The following PTPN3 variants were observed in gnomAD, a reference collection of about 807,000 sequenced individuals.
The protein encoded by PTPN3 is protein tyrosine phosphatase non-receptor type 3, also known as tyrosine-protein phosphatase non-receptor type 3.
In PTPN3, 96 loss-of-function variants were observed where a neutral mutation model predicts 132.7. The observed-to-expected ratio is 0.72, with a 90% CI of 0.61 to 0.86. The LOEUF is 0.86. Ranked by LOEUF, PTPN3 falls within the 40% of genes least tolerant of loss-of-function variation. The probability of loss-of-function intolerance (pLI) is 0.00; values close to 1 mark genes in which losing one functional copy is unlikely to be tolerated. For synonymous variants in PTPN3, 398 were observed against 429.0 expected (o/e 0.93, Z 0.89); for missense variants, 1,125 against 1,159.6 (o/e 0.97, Z 0.43).
rs1847715253 is a variant in PTPN3, at chr9:109,497,364, G to A, written c.-18+855C>T. ...AATCCACTCAACAACCCAGCGAGGT[G>A]GGCATTATTACCAGCTGATTGCAAG... On this transcript the variant is annotated intron_variant, in intron 1 of 25. Coordinates refer to ENST00000374541, the MANE Select transcript of PTPN3 (RefSeq NM_002829.4). Among the ~76,000 whole-genome samples the A allele has an allele frequency of 2.6e-5, 4 of 152,098 alleles. No individual in the cohort carries two copies. The South Asian group carries it at 8.3e-4, about 32-fold the overall frequency.
chr9:109,450,836 A>G, intron 5 of PTPN3: 5 of 985,442 alleles, frequency 5.1e-6, no homozygotes, highest in Non-Finnish European at 6.0e-6. Flanking sequence ...TCAACTTCAG[A>G]AAAATGTAAT....
the PTPN3 span, among the ~76,000 whole-genome samples, chr9:109,520,506 C>T: frequency 2.0e-5 from 3 of 152,210 alleles, no homozygotes; most frequent in Non-Finnish European, 4.4e-5. Context: ...AAACTGCAGG[C>T]GCCTAGCGGA....
chr9:109,427,707 G>A (rs1843378063), intron 11 of PTPN3, among the ~76,000 whole-genome samples: 1 of 152,214 alleles, frequency 6.6e-6, no homozygotes, highest in Admixed American at 6.5e-5. Flanking sequence ...TGAGGGGTCA[G>A]GAGATCCAGA....
intron 14 of PTPN3, among the ~76,000 whole-genome samples, chr9:109,419,168 A>G (rs539715893): frequency 6.6e-6 from 1 of 152,360 alleles, no homozygotes; most frequent in East Asian, 1.9e-4. Context: ...GTCACAAGGA[A>G]AGAATGACCA....
intron 12 of PTPN3, among the ~76,000 whole-genome samples, chr9:109,424,754 T>C (rs1843120554): frequency 6.6e-6 from 1 of 152,192 alleles, no homozygotes; most frequent in Admixed American, 6.5e-5. Flanking sequence ...AAGAGGCCTC[T>C]GGCCAAGCCC....
intron 19 of PTPN3, among the ~76,000 whole-genome samples, chr9:109,397,006 G>A (rs935411704): frequency 6.6e-6 from 1 of 151,966 alleles, no homozygotes; most frequent in Admixed American, 6.6e-5. Context: ...TCAACTCTAT[G>A]AACAGAAAAA....
chr9:109,487,780 A>G (rs762493891), intron 1 of PTPN3, among the ~76,000 whole-genome samples: 9 of 152,246 alleles, frequency 5.9e-5, no homozygotes, highest in Admixed American at 6.5e-5. Flanking sequence ...AGGTATTAAC[A>G]AAATAATAAA....
At chr9:109,474,825 T>TG (rs1046664944) in intron 1 of PTPN3, among the ~76,000 whole-genome samples, 7 of 152,028 alleles carry the variant, frequency 4.6e-5, no homozygotes, top group Non-Finnish European at 8.8e-5. Flanking sequence ...CAGACAGCTG[T>TG]GGGGGGACCT....
the PTPN3 span, among the ~76,000 whole-genome samples, chr9:109,518,116 C>T: frequency 2.6e-5 from 3 of 114,264 alleles, no homozygotes; most frequent in South Asian, 9.9e-4. Context: ...GCTCAGGTCT[C>T]TCTAAGTAAT....
chr9:109,379,560 C>G lies in PTPN3; in HGVS notation c.2738G>C (p.Ser913Thr). Residue 913 changes from serine to threonine, a missense_variant, in exon 26 of 26, where the codon AGT becomes ACT. Physicochemically the swap from Ser to Thr is moderately conservative, Grantham distance 58 (BLOSUM62 1). Coordinates refer to ENST00000374541, the MANE Select transcript of PTPN3 (RefSeq NM_002829.4). ...EEGLVQMLDP[S>T] Reference sequence around the variant, plus strand: ...ATGAACTTTTTCACAGTTGTCTTAACTAGGATCCAGCATTTGGACTAAACC... The same window carrying G: ...ATGAACTTTTTCACAGTTGTCTTAAGTAGGATCCAGCATTTGGACTAAACC... 1 of 1,612,944 alleles carries G rather than the reference C, an allele frequency of 6.2e-7. No homozygotes were observed. The highest frequency in any genetic ancestry group is 8.5e-7 in the Non-Finnish European group (1 of 1,178,922).
chr9:109,502,900 C>T (rs1847877989), upstream of PTPN3, among the ~76,000 whole-genome samples: 1 of 152,146 alleles, frequency 6.6e-6, no homozygotes, highest in Non-Finnish European at 1.5e-5. Context: ...ACTAGAAAAA[C>T]TGCACCAAAA....
At chr9:109,449,916 G>A (rs1845137152) in intron 5 of PTPN3, 1 of 985,296 alleles carries the variant, frequency 1.0e-6, no homozygotes, top group African/African-American at 1.7e-5. Flanking sequence ...CACAGTTCCG[G>A]GCTTTGTACA....
Position 109,457,142 on chromosome 9 carries a change from T to C in PTPN3, c.289+31A>G, listed in dbSNP as rs545092070. 5 of 1,605,122 alleles carry C rather than the reference T, an allele frequency of 3.1e-6. 1 individual carries two copies. The highest frequency in any genetic ancestry group is 2.2e-5 in the South Asian group (2 of 90,784). On this transcript the variant is annotated intron_variant, in intron 4 of 25. Transcript: ENST00000374541. ...CAGGCTGTGATACACTAACACCTAA[T>C]GTTCGACTGAAATGAAAAGATCACA...
chr9:109,408,843 TTAA>T (rs1841825351), intron 16 of PTPN3, among the ~76,000 whole-genome samples: 1 of 95,898 alleles, frequency 1.0e-5, no homozygotes, highest in Non-Finnish European at 2.2e-5. Flanking sequence ...TATATGGGCT[TTAA>T]TATATATATA....
intron 19 of PTPN3, among the ~76,000 whole-genome samples, chr9:109,401,372 G>A (rs947183013): frequency 6.6e-6 from 1 of 152,196 alleles, no homozygotes; most frequent in African/African-American, 2.4e-5. Flanking sequence ...TGTGGGCGGG[G>A]CCTTGATTTA....
intron 1 of PTPN3, among the ~76,000 whole-genome samples, chr9:109,490,945 C>A (rs900610614): frequency 4.6e-5 from 7 of 151,000 alleles, no homozygotes; most frequent in African/African-American, 1.7e-4. Context: ...GGGCCTGTAT[C>A]CCAGTACTTT....
chr9:109,526,944 G>A, the PTPN3 span, among the ~76,000 whole-genome samples: 3 of 151,972 alleles, frequency 2.0e-5, no homozygotes, highest in African/African-American at 7.3e-5. Context: ...AAGTGGTGCT[G>A]GGTCAATTGG....
chr9:109,526,651 G>A, the PTPN3 span, among the ~76,000 whole-genome samples: 7 of 152,264 alleles, frequency 4.6e-5, no homozygotes, highest in South Asian at 2.1e-4. Context: ...CTCCAGCGTA[G>A]GTGACAGAGT....
At chr9:109,445,385 G>T in intron 6 of PTPN3, 93 bp from the exon 7 acceptor site, 5 of 1,159,256 alleles carry the variant, frequency 4.3e-6, no homozygotes, top group Non-Finnish European at 6.4e-6. Flanking sequence ...GTCTTTCTTT[G>T]CTTTGATCAA....
Sources: gnomAD v4.1 joint callset for allele counts (sites outside exome capture counted in the v4.1 genomes callset) on GRCh38, gnomAD v4.1.1 for gene constraint, MANE v1.5 for transcripts, NCBI Gene and HGNC (gene_info 2026-07-23, HGNC 2026-07-21) for gene names.